TTC17: variants seen among roughly 807,000 people sequenced by gnomAD.
TTC17 encodes tetratricopeptide repeat protein 17.
Under a neutral mutation model 143.8 loss-of-function variants are expected in TTC17, and 58 were observed. The observed-to-expected ratio is 0.40, with a 90% CI of 0.33 to 0.50. The LOEUF (loss-of-function observed/expected upper bound fraction) is 0.50, where lower values mean the gene tolerates loss of function less well. TTC17 is among the 20% of genes least tolerant of loss of function. The probability of loss-of-function intolerance (pLI) is 0.49; values close to 1 mark genes in which losing one functional copy is unlikely to be tolerated. For missense variants in TTC17, 1,273 were observed against 1,392.5 expected, an observed-to-expected ratio of 0.91 and a Z score of 1.37; for synonymous variants, 501 against 497.8, an observed-to-expected ratio of 1.01 and a Z score of -0.09.
intron 16 of TTC17, among the ~76,000 whole-genome samples, chr11:43,417,480 C>T (rs374214320): frequency 3.3e-5 from 5 of 152,162 alleles, no homozygotes; most frequent in South Asian, 4.1e-4. Flanking sequence ...ACAAGGCTTA[C>T]GATTCTTTTT....
intron 1 of TTC17, among the ~76,000 whole-genome samples, chr11:43,376,911 A>G (rs919866290): frequency 6.6e-6 from 1 of 152,234 alleles, no homozygotes; most frequent in African/African-American, 2.4e-5. Flanking sequence ...CACCTAGGCT[A>G]CACACTTGTA....
At chr11:43,408,829 C>T (rs990964025) in intron 15 of TTC17, among the ~76,000 whole-genome samples, 27 of 152,222 alleles carry the variant, frequency 1.8e-4, no homozygotes, top group African/African-American at 6.3e-4. Context: ...GCAGCCTCCA[C>T]CTCCTAGGCT....
chr11:43,490,506 G>A, intron 22 of TTC17, 148 bp downstream of exon 22: 1 of 1,284,620 alleles, frequency 7.8e-7, no homozygotes, highest in Non-Finnish European at 1.0e-6. Context: ...CTTCTGACTG[G>A]GCTTGTGCCC....
intron 1 of TTC17, among the ~76,000 whole-genome samples, chr11:43,369,254 A>G (rs1483816007): frequency 6.6e-6 from 1 of 152,238 alleles, no homozygotes; most frequent in Non-Finnish European, 1.5e-5. Context: ...AATGGTTACT[A>G]ACTTGCTTGT....
rs577716890 is a variant in TTC17 at position 43,492,297 on chromosome 11, G to T, written c.3294+134G>T. The T allele has an allele frequency of 9.0e-6, 11 of 1,222,858 alleles. No individual in the cohort carries two copies. The East Asian group carries it at 1.7e-4, about 19-fold the overall frequency. 75.8% of individuals were successfully genotyped at this position (1,222,858 alleles called of 1,614,324 possible). ...GTCTAAAATTGCTGGTTCCACCAAT[G>T]TTATATTTTATGGATAAGGGTTCGA... is the stretch of plus-strand genomic sequence containing the variant. On this transcript the variant is annotated intron_variant, in intron 23 of 23. Transcript: ENST00000039989.
At chr11:43,396,075 T>C (rs1027180423) in intron 5 of TTC17, 6 of 152,144 alleles carry the variant, frequency 3.9e-5, no homozygotes, top group Non-Finnish European at 8.8e-5. Flanking sequence ...TTCTATAGTT[T>C]AATATCTAAA....
intron 13 of TTC17, among the ~76,000 whole-genome samples, 190 bp from the exon 14 acceptor site, chr11:43,406,948 A>G (rs549340523): frequency 3.6e-4 from 55 of 152,332 alleles, no homozygotes; most frequent in South Asian, 2.1e-3. Flanking sequence ...TAGTTAAACT[A>G]TTACATACAT....
At chr11:43,368,579 C>T (rs1856442833) in intron 1 of TTC17, among the ~76,000 whole-genome samples, 1 of 152,194 alleles carries the variant, frequency 6.6e-6, no homozygotes, top group Non-Finnish European at 1.5e-5. Flanking sequence ...TCAATACTGT[C>T]TTCATCTCTT....
At chr11:43,488,124 TAGA>T (rs1163282814) in intron 21 of TTC17, among the ~76,000 whole-genome samples, 2 of 152,138 alleles carry the variant, frequency 1.3e-5, no homozygotes, top group East Asian at 3.9e-4. Flanking sequence ...AGGAAACTAT[TAGA>T]AGATGAGCTT....
At chr11:43,468,882 G>T (rs1948034499) in intron 21 of TTC17, among the ~76,000 whole-genome samples, 1 of 152,082 alleles carries the variant, frequency 6.6e-6, no homozygotes, top group South Asian at 2.1e-4. Context: ...CTATGATTGT[G>T]CCACTGCACT....
At chr11:43,443,706 C>T (rs1947475608) in intron 17 of TTC17, 122 bp downstream of exon 17, 3 of 1,264,686 alleles carry the variant, frequency 2.4e-6, no homozygotes, top group Non-Finnish European at 3.2e-6. Context: ...TCCAGGACAG[C>T]CTTCACATTG....
chr11:43,493,993 A>C lies in TTC17; in HGVS notation c.*89A>C. 1 of 1,442,352 alleles carries C rather than the reference A, an allele frequency of 6.9e-7. No homozygotes were observed. Among genetic ancestry groups the C allele is most frequent in the East Asian group, 2.4e-5 (1 of 42,468 alleles). The allele number at this position is 1,442,352 out of a possible 1,614,324, so 89.3% of individuals were successfully genotyped here. A position where few individuals can be genotyped will look rare whatever the true frequency, so the allele number is the denominator to read the frequency against. On this transcript the variant is annotated 3_prime_UTR_variant, in exon 24 of 24. Transcript: ENST00000039989. ...CCAATCATTGTCAGTATCTACTATTAATGATGTGTGTGAAAATAACTAAGA... is the reference window on the plus strand; with the variant it reads ...CCAATCATTGTCAGTATCTACTATTCATGATGTGTGTGAAAATAACTAAGA...
At chr11:43,372,782 C>T (rs1453763562) in intron 1 of TTC17, among the ~76,000 whole-genome samples, 5 of 151,998 alleles carry the variant, frequency 3.3e-5, no homozygotes, top group African/African-American at 4.8e-5. Flanking sequence ...TGAGCCACTG[C>T]GCCCAGCCAA....
chr11:43,493,606 T>A (rs186986994), intron 23 of TTC17, among the ~76,000 whole-genome samples, 167 bp from the exon 24 acceptor site: 410 of 152,262 alleles, frequency 2.7e-3, no homozygotes, highest in Non-Finnish European at 4.9e-3. Flanking sequence ...AAGGCAGCTG[T>A]TTCCTCCCAG....
chr11:43,388,551 A>T (rs1857256363), intron 2 of TTC17, among the ~76,000 whole-genome samples: 1 of 151,908 alleles, frequency 6.6e-6, no homozygotes, highest in Non-Finnish European at 1.5e-5. Flanking sequence ...TTAAAAAAAA[A>T]ATCTGAGCTG....
chr11:43,465,833 T>A (rs1161471328), intron 21 of TTC17, among the ~76,000 whole-genome samples: 2 of 151,634 alleles, frequency 1.3e-5, no homozygotes, highest in East Asian at 3.9e-4. Flanking sequence ...ACTGTACAAC[T>A]CTTGGAAGAA....
At chr11:43,432,917 C>T (rs1947191345) in intron 16 of TTC17, among the ~76,000 whole-genome samples, 1 of 152,222 alleles carries the variant, frequency 6.6e-6, no homozygotes, top group Non-Finnish European at 1.5e-5. Context: ...GATAATTCAA[C>T]TATCGCCAAG....
At chr11:43,402,163 C>T (rs1857893595) in intron 10 of TTC17, among the ~76,000 whole-genome samples, 1 of 152,068 alleles carries the variant, frequency 6.6e-6, no homozygotes, top group Non-Finnish European at 1.5e-5. Flanking sequence ...TATGCACATG[C>T]ATTTGATTCT....
intron 16 of TTC17, among the ~76,000 whole-genome samples, chr11:43,424,859 A>G (rs1178383765): frequency 6.6e-6 from 1 of 152,182 alleles, no homozygotes; most frequent in South Asian, 2.1e-4. Flanking sequence ...TCTCAGAAGG[A>G]TAGTCTAAGC....
Sources: allele counts gnomAD v4.1 joint callset (sites outside exome capture counted in the v4.1 genomes callset), GRCh38; gene constraint gnomAD v4.1.1; transcripts MANE v1.5; gene names NCBI Gene and HGNC (gene_info 2026-07-23, HGNC 2026-07-21).